Variants in CCDC60 observed in about 807,000 individuals in gnomAD.
CCDC60 encodes coiled-coil domain containing 60.
A neutral mutation model predicts 63.5 loss-of-function variants in CCDC60; 54 were observed. That is an observed-to-expected ratio of 0.85 (90% CI 0.68 to 1.07). The LOEUF (loss-of-function observed/expected upper bound fraction) is 1.07, where lower values mean the gene tolerates loss of function less well. CCDC60 is among the 50% of genes least tolerant of loss of function. The probability of loss-of-function intolerance (pLI) is 0.00; values close to 1 mark genes in which losing one functional copy is unlikely to be tolerated. For missense variants in CCDC60, 651 were observed against 684.3 expected (o/e 0.95, Z 0.54); for synonymous variants, 206 against 238.8 (o/e 0.86, Z 1.27).
rs1199779284 is a variant in CCDC60 at position 119,344,855 on chromosome 12, T to TCACACACA, written c.90+9626_90+9633dup. ...CTCTCTTTCTCTCTCTCTCTCTCTC[T>TCACACACA]CACACACACACACACACACACACAC... On this transcript the variant is annotated intron_variant, in intron 1 of 13. Transcript: ENST00000327554. 4.2e-3 allele frequency among the ~76,000 whole-genome samples: 481 copies of TCACACACA among 114,850 alleles called. 4 individuals carry two copies. The highest frequency in any genetic ancestry group is 0.019 in the East Asian group (60 of 3,082). The allele number at this position is 114,850 out of a possible 152,430, so 75.3% of individuals were successfully genotyped here. A position where few individuals can be genotyped will look rare whatever the true frequency, so the allele number is the denominator to read the frequency against.
intron 1 of CCDC60, among the ~76,000 whole-genome samples, chr12:119,400,804 G>T (rs1278228921): frequency 6.6e-6 from 1 of 152,070 alleles, no homozygotes; most frequent in Non-Finnish European, 1.5e-5. Flanking sequence ...TATCTTATTT[G>T]CTTCGCCAAC....
At chr12:119,449,878 G>A (rs756094170) in intron 2 of CCDC60, among the ~76,000 whole-genome samples, 33 of 152,106 alleles carry the variant, frequency 2.2e-4, no homozygotes, top group Non-Finnish European at 3.8e-4. Flanking sequence ...GGATGAGTTG[G>A]GAAGAACTAA....
chr12:119,407,414 C>T (rs182374212), intron 1 of CCDC60, among the ~76,000 whole-genome samples: 76 of 152,192 alleles, frequency 5.0e-4, no homozygotes, highest in Non-Finnish European at 5.9e-5. Context: ...TGCCTGTGGT[C>T]CCAGCTACTT....
At chr12:119,505,942 T>G (rs1951987384) in intron 7 of CCDC60, among the ~76,000 whole-genome samples, 1 of 120,704 alleles carries the variant, frequency 8.3e-6, no homozygotes. Flanking sequence ...ATTAATGAGA[T>G]ATTTTATATC....
chr12:119,360,968 CACCAAAAAAAT>C (rs1408232401), intron 1 of CCDC60, among the ~76,000 whole-genome samples: 1 of 152,108 alleles, frequency 6.6e-6, no homozygotes, highest in Non-Finnish European at 1.5e-5. Flanking sequence ...ACCCCGTCTC[CACCAAAAAAAT>C]ACGAAAACCA....
At chr12:119,440,108 G>T (rs1294040003) in intron 2 of CCDC60, among the ~76,000 whole-genome samples, 1 of 152,128 alleles carries the variant, frequency 6.6e-6, no homozygotes, top group Non-Finnish European at 1.5e-5. Flanking sequence ...AATACCTAAC[G>T]CATGCAGGAC....
chr12:119,456,048 A>AAGCAAGC lies in CCDC60; in HGVS notation c.171-15945_171-15944insGCAAGCA, dbSNP rs1566019537. Among the ~76,000 whole-genome samples, 4 of 120,504 alleles carry AAGCAAGC rather than the reference A, an allele frequency of 3.3e-5. No individual in the cohort carries two copies. The highest frequency in any genetic ancestry group is 2.8e-4 in the Admixed American group (3 of 10,704). 79.1% of individuals were successfully genotyped at this position (120,504 alleles called of 152,430 possible). Reference sequence around the variant, plus strand: ...GAAAGAAAGAAAGAAAGAAAGAAAGAAAGAAAGAAAGAAAGCAAGCAAGCA... The same window carrying AAGCAAGC: ...GAAAGAAAGAAAGAAAGAAAGAAAGAAGCAAGCAAGAAAGAAAGAAAGCAAGCAAGCA... On this transcript the variant is annotated intron_variant, in intron 2 of 13. Coordinates refer to ENST00000327554, the MANE Select transcript of CCDC60 (RefSeq NM_178499.5). This position sits in a 1 kb window ranked among gnomAD's most constrained non-coding sequence, Gnocchi z 4.6.
intron 1 of CCDC60, among the ~76,000 whole-genome samples, chr12:119,380,770 C>T (rs1216425177): frequency 6.6e-6 from 1 of 152,202 alleles, no homozygotes; most frequent in Admixed American, 6.5e-5. Context: ...ACAGAAAGGG[C>T]AGGCCTCAGG....
intron 2 of CCDC60, among the ~76,000 whole-genome samples, chr12:119,453,927 AAAT>A (rs912342787): frequency 6.6e-6 from 1 of 152,070 alleles, no homozygotes; most frequent in African/African-American, 2.4e-5. Flanking sequence ...TGATGATGAA[AAAT>A]AAGAAGAAAA....
At chr12:119,451,055 G>A (rs1211868433) in intron 2 of CCDC60, among the ~76,000 whole-genome samples, 1 of 152,042 alleles carries the variant, frequency 6.6e-6, no homozygotes, top group Non-Finnish European at 1.5e-5. Context: ...CTTGATTTTC[G>A]AACAAGGCAA....
At chr12:119,402,084 A>G (rs1396294880) in intron 1 of CCDC60, among the ~76,000 whole-genome samples, 1 of 152,210 alleles carries the variant, frequency 6.6e-6, no homozygotes, top group Non-Finnish European at 1.5e-5. Context: ...TCATGAAAAA[A>G]TAAGATCTCC....
chr12:119,432,501 C>A (rs1950248444), intron 2 of CCDC60, among the ~76,000 whole-genome samples: 1 of 152,188 alleles, frequency 6.6e-6, no homozygotes. Context: ...GTATTATCAG[C>A]CTTCAGGTAG....
intron 7 of CCDC60, among the ~76,000 whole-genome samples, chr12:119,513,854 T>A (rs968021554): frequency 2.6e-5 from 4 of 152,266 alleles, no homozygotes; most frequent in African/African-American, 9.6e-5. Context: ...CACAGTACTG[T>A]ACTTGATAAC....
chr12:119,400,636 C>T (rs1020559113), intron 1 of CCDC60, among the ~76,000 whole-genome samples: 1 of 152,204 alleles, frequency 6.6e-6, no homozygotes, highest in African/African-American at 2.4e-5. Context: ...CATAGGAATG[C>T]CTGAAAGTGG....
intron 2 of CCDC60, among the ~76,000 whole-genome samples, chr12:119,451,736 T>C (rs1950639488): frequency 6.6e-6 from 1 of 152,018 alleles, no homozygotes; most frequent in Admixed American, 6.6e-5. Flanking sequence ...AATAAAGATA[T>C]CAGGAAGGAA....
intron 3 of CCDC60, among the ~76,000 whole-genome samples, chr12:119,478,730 C>T (rs1357979302): frequency 1.3e-5 from 2 of 151,782 alleles, no homozygotes; most frequent in Non-Finnish European, 2.9e-5. Flanking sequence ...GCCTCAGCCT[C>T]CCGAGTAGCT....
At chr12:119,404,605 A>C (rs892304175) in intron 1 of CCDC60, among the ~76,000 whole-genome samples, 3 of 152,240 alleles carry the variant, frequency 2.0e-5, no homozygotes, top group Non-Finnish European at 4.4e-5. Flanking sequence ...TCAGAAGAGC[A>C]AGGAGCAAGG....
chr12:119,408,975 A>G (rs892802994), intron 1 of CCDC60, among the ~76,000 whole-genome samples: 4 of 152,224 alleles, frequency 2.6e-5, no homozygotes, highest in Non-Finnish European at 5.9e-5. Flanking sequence ...GACAGAAGCC[A>G]TGTTTATCCT....
chr12:119,440,626 G>A (rs575987295), intron 2 of CCDC60, among the ~76,000 whole-genome samples: 2 of 152,228 alleles, frequency 1.3e-5, no homozygotes, highest in East Asian at 1.9e-4. Context: ...CCAGGGAAAC[G>A]GCATCTGAGA....
Sources: allele counts gnomAD v4.1 joint callset (sites outside exome capture counted in the v4.1 genomes callset), GRCh38; gene constraint gnomAD v4.1.1; non-coding constraint Gnocchi (gnomAD v3.1); transcripts MANE v1.5; gene names NCBI Gene and HGNC (gene_info 2026-07-23, HGNC 2026-07-21).